GALNT14: variants seen among roughly 807,000 people sequenced by gnomAD.
GALNT14 encodes the protein UDP-GalNAc:polypeptide N-acetylgalactosaminyltransferase 14.
A neutral mutation model predicts 77.5 loss-of-function variants in GALNT14; 60 were observed. The ratio of observed to expected loss-of-function variants is 0.77; its 90% CI spans 0.63 to 0.96. The LOEUF (loss-of-function observed/expected upper bound fraction) is 0.96, where lower values mean the gene tolerates loss of function less well. Ranked by LOEUF, GALNT14 falls within the 40% of genes least tolerant of loss-of-function variation. The pLI, the probability that GALNT14 is intolerant of heterozygous loss-of-function variation, is 0.00. For missense variants in GALNT14, 710 were observed against 731.0 expected, an observed-to-expected ratio of 0.97 and a Z score of 0.33; for synonymous variants, 280 against 281.7, an observed-to-expected ratio of 0.99 and a Z score of 0.06.
chr2:31,057,372 G>GTA (rs1398399332), intron 1 of GALNT14, among the ~76,000 whole-genome samples: 1 of 79,052 alleles, frequency 1.3e-5, no homozygotes, highest in Admixed American at 1.2e-4. Flanking sequence ...GTGTGTGTGT[G>GTA]TGTATATATA....
At position 30,993,040 on chromosome 2, in the gene GALNT14, G is replaced by A. The variant is rs371512481; in HGVS notation, c.130-33C>T. ...ACACGAATGGGAAGTCTGTGAGAAC[G>A]GCTCCCTGTCCTCCACTAGCCCCCG... On this transcript the variant is annotated intron_variant, in intron 1 of 14. Transcript: ENST00000349752. The A allele has an allele frequency of 1.5e-4, 247 of 1,607,956 alleles. No individual in the cohort carries two copies. The African/African-American group carries it at 2.3e-3, about 15-fold the overall frequency.
chr2:30,951,689 C>T (rs1667036865), intron 6 of GALNT14, among the ~76,000 whole-genome samples: 1 of 152,200 alleles, frequency 6.6e-6, no homozygotes, highest in South Asian at 2.1e-4. Flanking sequence ...CACACATGCA[C>T]ACTCATATGA....
intron 1 of GALNT14, among the ~76,000 whole-genome samples, chr2:31,084,018 T>A (rs779799968): frequency 2.2e-4 from 33 of 152,278 alleles, no homozygotes; most frequent in Middle Eastern, 3.4e-3. Flanking sequence ...GTTGCTTGTA[T>A]ATAGCCCAGT....
At chr2:31,069,744 TC>T (rs1164177301) in intron 1 of GALNT14, among the ~76,000 whole-genome samples, 1 of 152,218 alleles carries the variant, frequency 6.6e-6, no homozygotes, top group East Asian at 1.9e-4. Flanking sequence ...GATGTCTTTT[TC>T]TTCCCAAGAG....
At chr2:30,905,324 A>G in the GALNT14 span, among the ~76,000 whole-genome samples, 2 of 151,918 alleles carry the variant, frequency 1.3e-5, no homozygotes, top group African/African-American at 2.4e-5. Flanking sequence ...AAAAATTTAG[A>G]AGAATGTATA....
At chr2:30,919,664 C>A (rs1362606428) in intron 13 of GALNT14, among the ~76,000 whole-genome samples, 1 of 152,206 alleles carries the variant, frequency 6.6e-6, no homozygotes, top group Non-Finnish European at 1.5e-5. Context: ...TGCGGCTTTG[C>A]TTCTTCGCCT....
chr2:31,004,260 C>A (rs1466882078), intron 1 of GALNT14, among the ~76,000 whole-genome samples: 1 of 152,136 alleles, frequency 6.6e-6, no homozygotes, highest in Non-Finnish European at 1.5e-5. Flanking sequence ...CAGGTATCCA[C>A]AGGGGACTCA....
At chr2:30,964,713 CTG>C (rs1667891604) in intron 3 of GALNT14, among the ~76,000 whole-genome samples, 2 of 152,178 alleles carry the variant, frequency 1.3e-5, no homozygotes, top group South Asian at 4.1e-4. Context: ...GGGCTAAAAA[CTG>C]TGTGTCTGGG....
chr2:31,035,721 A>G (rs1435244609), intron 1 of GALNT14, among the ~76,000 whole-genome samples: 1 of 151,732 alleles, frequency 6.6e-6, no homozygotes, highest in Non-Finnish European at 1.5e-5. Context: ...ACATGGGTGG[A>G]GCCAGAGGCC....
chr2:30,955,766 G>A, intron 5 of GALNT14, 27 bp from the exon 6 acceptor site: 1 of 1,613,236 alleles, frequency 6.2e-7, no homozygotes. Context: ...ATGACGAAGT[G>A]GGTGCCACTG....
At chr2:31,011,362 G>A (rs1025041326) in intron 1 of GALNT14, among the ~76,000 whole-genome samples, 1 of 152,204 alleles carries the variant, frequency 6.6e-6, no homozygotes, top group Non-Finnish European at 1.5e-5. Flanking sequence ...AGTAAGAGCT[G>A]ACTTTTAGAT....
intron 1 of GALNT14, among the ~76,000 whole-genome samples, chr2:31,073,808 C>A (rs906946932): frequency 6.6e-6 from 1 of 152,152 alleles, no homozygotes; most frequent in African/African-American, 2.4e-5. Flanking sequence ...TTTAAAATAT[C>A]ATTAGCCTCT....
At chr2:31,063,622 T>C (rs955485981) in intron 1 of GALNT14, among the ~76,000 whole-genome samples, 3 of 152,238 alleles carry the variant, frequency 2.0e-5, no homozygotes. Context: ...TTGATGGGAA[T>C]TGCATTGAAT....
At chr2:30,984,733 C>T (rs1240941054) in intron 2 of GALNT14, among the ~76,000 whole-genome samples, 1 of 152,222 alleles carries the variant, frequency 6.6e-6, no homozygotes, top group African/African-American at 2.4e-5. Flanking sequence ...AGCACACTAA[C>T]TGCAGCCCAC....
chr2:31,084,154 T>G (rs1185463182), intron 1 of GALNT14, among the ~76,000 whole-genome samples: 2 of 152,192 alleles, frequency 1.3e-5, no homozygotes, highest in African/African-American at 4.8e-5. Flanking sequence ...TGTGGGATAC[T>G]TCCTCCAATT....
chr2:31,086,267 T>C (rs1676425686), intron 1 of GALNT14, among the ~76,000 whole-genome samples: 1 of 152,182 alleles, frequency 6.6e-6, no homozygotes. Context: ...GGCTACCCTC[T>C]AAGAAGTCAC....
chr2:30,924,303 C>T (rs1273429494), intron 12 of GALNT14, 40 bp from the exon 13 acceptor site: 2 of 1,606,390 alleles, frequency 1.2e-6, no homozygotes, highest in Non-Finnish European at 1.7e-6. Flanking sequence ...GTCCACTGCT[C>T]ATTGGATTAG....
intron 6 of GALNT14, among the ~76,000 whole-genome samples, chr2:30,949,615 C>T (rs955969889): frequency 2.0e-5 from 3 of 152,194 alleles, no homozygotes; most frequent in Non-Finnish European, 2.9e-5. Context: ...TGCATCAGCC[C>T]GTGGCCATCT....
intron 6 of GALNT14, among the ~76,000 whole-genome samples, chr2:30,948,047 A>G (rs575115365): frequency 6.6e-6 from 1 of 152,200 alleles, no homozygotes; most frequent in Non-Finnish European, 1.5e-5. Context: ...AACAGGATAC[A>G]TGGATACATA....
Sources: gnomAD v4.1 joint callset for allele counts (sites outside exome capture counted in the v4.1 genomes callset) on GRCh38, gnomAD v4.1.1 for gene constraint, MANE v1.5 for transcripts, NCBI Gene and HGNC (gene_info 2026-07-23, HGNC 2026-07-21) for gene names.